CTNNA2: variants seen among roughly 807,000 people sequenced by gnomAD.
CTNNA2 encodes catenin alpha 2.
In CTNNA2, 42 loss-of-function variants were observed where a neutral mutation model predicts 101.0. The ratio of observed to expected loss-of-function variants is 0.42; its 90% CI spans 0.32 to 0.54. The LOEUF (loss-of-function observed/expected upper bound fraction) is 0.54, where lower values mean the gene tolerates loss of function less well. CTNNA2 is among the 20% of genes least tolerant of loss of function. The pLI, the probability that CTNNA2 is intolerant of heterozygous loss-of-function variation, is 0.14. For missense variants in CTNNA2, 871 were observed against 1,223.1 expected, an observed-to-expected ratio of 0.71 and a Z score of 4.29; for synonymous variants, 450 against 456.4, an observed-to-expected ratio of 0.99 and a Z score of 0.18.
At chr2:79,576,334 CT>C (rs1186780865) in intron 1 of CTNNA2, among the ~76,000 whole-genome samples, 2 of 152,044 alleles carry the variant, frequency 1.3e-5, no homozygotes, top group African/African-American at 4.8e-5. Flanking sequence ...AAAATTTCAC[CT>C]TTTTTGATGT....
chr2:79,538,923 C>T (rs1673236683), intron 1 of CTNNA2, among the ~76,000 whole-genome samples: 1 of 152,102 alleles, frequency 6.6e-6, no homozygotes, highest in South Asian at 2.1e-4. Context: ...TGCAGCAAGT[C>T]AGGTGAGGCC....
intron 7 of CTNNA2, among the ~76,000 whole-genome samples, chr2:80,110,007 G>A (rs761540637): frequency 8.5e-5 from 13 of 152,124 alleles, no homozygotes; most frequent in African/African-American, 1.9e-4. Context: ...TGCGCACTGC[G>A]TTACCGTAGG....
At chr2:79,393,096 CA>C (rs1299702091) in intron 4 of CTNNA2, among the ~76,000 whole-genome samples, 1 of 152,066 alleles carries the variant, frequency 6.6e-6, no homozygotes, top group East Asian at 1.9e-4. Flanking sequence ...CATCTTAAGC[CA>C]AAAACTCACT....
At chr2:79,640,805 G>T (rs1412924029) in intron 1 of CTNNA2, among the ~76,000 whole-genome samples, 2 of 152,130 alleles carry the variant, frequency 1.3e-5, no homozygotes, top group Non-Finnish European at 2.9e-5. Context: ...GCAGATGACA[G>T]AAAATAAATG....
chr2:80,274,521 T>C (rs1338155535), intron 7 of CTNNA2, among the ~76,000 whole-genome samples: 1 of 152,214 alleles, frequency 6.6e-6, no homozygotes, highest in East Asian at 1.9e-4. Flanking sequence ...TTCTGCTCTA[T>C]GCTGTAGTCT....
intron 4 of CTNNA2, chr2:79,493,712 A>C (rs75301154): frequency 0.015 from 2,238 of 152,330 alleles, 88 homozygotes; most frequent in East Asian, 0.13. Flanking sequence ...AATTCTGCTT[A>C]TGTTACTTCA....
intron 2 of CTNNA2, among the ~76,000 whole-genome samples, chr2:79,275,443 A>G (rs921357876): frequency 2.0e-5 from 3 of 152,048 alleles, no homozygotes; most frequent in Non-Finnish European, 4.4e-5. Context: ...GTGAACTTAC[A>G]CATCTGCCAG....
chr2:80,530,400 T>G (rs1690438995), intron 9 of CTNNA2, among the ~76,000 whole-genome samples: 1 of 152,148 alleles, frequency 6.6e-6, no homozygotes, highest in Non-Finnish European at 1.5e-5. Context: ...CGGGAGAGAC[T>G]TGTGAGAGCA....
chr2:80,107,772 A>G (rs924225465), intron 7 of CTNNA2, among the ~76,000 whole-genome samples: 4 of 152,180 alleles, frequency 2.6e-5, no homozygotes, highest in Non-Finnish European at 4.4e-5. Flanking sequence ...AGAGCACTGT[A>G]ACACACCCTC....
chr2:80,478,884 A>C (rs1292654686), intron 9 of CTNNA2, among the ~76,000 whole-genome samples: 2 of 152,000 alleles, frequency 1.3e-5, no homozygotes, highest in Non-Finnish European at 2.9e-5. Flanking sequence ...GTACCATATT[A>C]ATTTTAGGAT....
intron 7 of CTNNA2, among the ~76,000 whole-genome samples, chr2:80,204,249 C>T (rs1372392003): frequency 6.6e-6 from 1 of 152,194 alleles, no homozygotes; most frequent in African/African-American, 2.4e-5. Flanking sequence ...TTTCTGAAGC[C>T]AGCTTGAATT....
intron 11 of CTNNA2, among the ~76,000 whole-genome samples, chr2:80,550,553 C>T (rs1692476258): frequency 6.6e-6 from 1 of 152,166 alleles, no homozygotes; most frequent in African/African-American, 2.4e-5. Context: ...CTGCTTTATG[C>T]ACTACATTTA....
chr2:80,329,891 A>G (rs1215874763), intron 7 of CTNNA2, among the ~76,000 whole-genome samples: 2 of 152,224 alleles, frequency 1.3e-5, no homozygotes, highest in Non-Finnish European at 2.9e-5. Context: ...AAACTTTTCA[A>G]TCTTCTTGTT....
chr2:80,469,993 G>C (rs151108891), intron 9 of CTNNA2, among the ~76,000 whole-genome samples: 1 of 152,092 alleles, frequency 6.6e-6, no homozygotes, highest in African/African-American at 2.4e-5. Flanking sequence ...GGCAAGGGTG[G>C]CTCCTCTACT....
chr2:79,437,162 A>T (rs891405986), intron 4 of CTNNA2, among the ~76,000 whole-genome samples: 11 of 151,676 alleles, frequency 7.3e-5, no homozygotes, highest in African/African-American at 2.7e-4. Flanking sequence ...TGAAACCGGG[A>T]GGCAGTGGTT....
At chr2:80,239,296 C>A (rs1308270140) in intron 7 of CTNNA2, among the ~76,000 whole-genome samples, 1 of 152,168 alleles carries the variant, frequency 6.6e-6, no homozygotes, top group Non-Finnish European at 1.5e-5. Flanking sequence ...TGGGTAACCA[C>A]CCCCAGCTTA....
chr2:79,519,313 A>AT (rs574610100), intron 1 of CTNNA2, among the ~76,000 whole-genome samples: 15 of 150,452 alleles, frequency 1.0e-4, no homozygotes, highest in Non-Finnish European at 1.5e-4. Context: ...CCTTTCATGT[A>AT]TTTTTTTTAT....
intron 7 of CTNNA2, among the ~76,000 whole-genome samples, chr2:80,222,394 G>T (rs1312681259): frequency 1.3e-5 from 2 of 151,792 alleles, no homozygotes; most frequent in East Asian, 1.9e-4. Context: ...TATTAAATTT[G>T]CTGTTTATAT....
At position 80,506,241 on chromosome 2, in the gene CTNNA2, G is replaced by A. The variant is rs145998758; in HGVS notation, c.1291-38741G>A. Among the ~76,000 whole-genome samples the A allele has an allele frequency of 5.6e-3, 857 of 152,274 alleles. 15 individuals are homozygous for A. Among genetic ancestry groups the A allele is most frequent in the African/African-American group, 0.019 (801 of 41,560 alleles). On this transcript the variant is annotated intron_variant, in intron 9 of 18. Transcript: ENST00000402739. The stretch of plus-strand genomic sequence containing the variant: ...ACAGTTACTGGTTAGAGGAGTCGAG[G>A]AGGCTTCCTGGAGGAGGCAGCACTT...
Sources: allele counts gnomAD v4.1 joint callset (sites outside exome capture counted in the v4.1 genomes callset), GRCh38; gene constraint gnomAD v4.1.1; transcripts MANE v1.5; gene names NCBI Gene and HGNC (gene_info 2026-07-23, HGNC 2026-07-21).